The following BMPR1A variants were observed in gnomAD, a reference collection of about 807,000 sequenced individuals.
BMPR1A encodes bone morphogenetic protein receptor type 1A.
A neutral mutation model predicts 66.0 loss-of-function variants in BMPR1A; 7 were observed. The observed-to-expected ratio is 0.11, with a 90% CI of 0.06 to 0.20. The LOEUF is 0.20. BMPR1A is among the 10% of genes least tolerant of loss of function. The pLI is 1.00. For missense variants in BMPR1A, 408 were observed against 669.1 expected, an observed-to-expected ratio of 0.61 and a Z score of 4.31; for synonymous variants, 200 against 229.7, an observed-to-expected ratio of 0.87 and a Z score of 1.17.
intron 1 of BMPR1A, among the ~76,000 whole-genome samples, chr10:86,828,268 A>G (rs892700861): frequency 6.6e-6 from 1 of 152,260 alleles, no homozygotes; most frequent in African/African-American, 2.4e-5. Flanking sequence ...TTGTTTTTAT[A>G]GACCTTGAAC....
intron 1 of BMPR1A, among the ~76,000 whole-genome samples, chr10:86,819,393 C>T (rs1842086409): frequency 6.6e-6 from 1 of 152,146 alleles, no homozygotes; most frequent in African/African-American, 2.4e-5. Flanking sequence ...TCACTGCAGT[C>T]TCTGCCTCCT....
chr10:86,784,722 G>A (rs1841492811), intron 1 of BMPR1A, among the ~76,000 whole-genome samples: 1 of 152,092 alleles, frequency 6.6e-6, no homozygotes, highest in South Asian at 2.1e-4. Flanking sequence ...GTTTCTTCGT[G>A]ATTCAGTCCT....
chr10:86,860,390 C>T (rs1323898653), intron 2 of BMPR1A, among the ~76,000 whole-genome samples: 1 of 152,022 alleles, frequency 6.6e-6, no homozygotes, highest in East Asian at 1.9e-4. Flanking sequence ...CTTAACAATC[C>T]TTTCTTTGAA....
At chr10:86,866,407 T>TTTTC (rs1435377103) in intron 2 of BMPR1A, among the ~76,000 whole-genome samples, 3,886 of 108,962 alleles carry the variant, frequency 0.036, 524 homozygotes, top group African/African-American at 0.12. Context: ...TTCTTTTTTT[T>TTTTC]TTTTTTTTTT....
rs1267184555 is a variant in BMPR1A, at chr10:86,906,616, C to T, written c.531-5624C>T. ...GCGGGCGCCTGTAGTCCCAGCTACT[C>T]GGGAGGCTGAGGCAGGAGGATGGCG... On this transcript the variant is annotated intron_variant, in intron 7 of 12. Transcript: ENST00000372037. 9.9e-5 allele frequency among the ~76,000 whole-genome samples: 8 copies of T among 80,434 alleles called. 3 individuals carry two copies. Among genetic ancestry groups the T allele is most frequent in the Admixed American group, 2.3e-4 (2 of 8,858 alleles). 52.8% of individuals were successfully genotyped at this position (80,434 alleles called of 152,430 possible).
chr10:86,760,743 A>C (rs1472076548), intron 1 of BMPR1A, among the ~76,000 whole-genome samples: 1 of 152,064 alleles, frequency 6.6e-6, no homozygotes, highest in Non-Finnish European at 1.5e-5. Flanking sequence ...TATCACACTA[A>C]ATTTTGAAGT....
At chr10:86,864,975 C>T (rs933788278) in intron 2 of BMPR1A, among the ~76,000 whole-genome samples, 15 of 152,124 alleles carry the variant, frequency 9.9e-5, no homozygotes, top group African/African-American at 3.6e-4. Context: ...CCATACCACC[C>T]CCCAAAAATT....
intron 1 of BMPR1A, among the ~76,000 whole-genome samples, chr10:86,785,455 GC>G (rs916557803): frequency 2.0e-5 from 3 of 152,146 alleles, no homozygotes; most frequent in Non-Finnish European, 4.4e-5. Flanking sequence ...ATAGGCATGT[GC>G]CACCACATCT....
intron 2 of BMPR1A, among the ~76,000 whole-genome samples, chr10:86,853,606 G>A (rs1842601636): frequency 6.6e-6 from 1 of 152,094 alleles, no homozygotes; most frequent in Admixed American, 6.5e-5. Flanking sequence ...CGTAAGTGTT[G>A]GCTGGTTAGA....
chr10:86,759,623 CTA>C (rs1301735296), intron 1 of BMPR1A, among the ~76,000 whole-genome samples: 3 of 152,192 alleles, frequency 2.0e-5, no homozygotes, highest in African/African-American at 7.2e-5. Context: ...CTTCTGCTCT[CTA>C]TTCTTGCTAA....
chr10:86,847,153 C>T (rs1046912335), intron 2 of BMPR1A, among the ~76,000 whole-genome samples: 1 of 152,096 alleles, frequency 6.6e-6, no homozygotes, highest in Non-Finnish European at 1.5e-5. Context: ...CTGCGCCTGG[C>T]CCATTTGGGG....
chr10:86,816,225 A>G (rs1842033817), intron 1 of BMPR1A, among the ~76,000 whole-genome samples: 1 of 152,172 alleles, frequency 6.6e-6, no homozygotes, highest in South Asian at 2.1e-4. Flanking sequence ...AAATAATACT[A>G]TATTTGGAAA....
At chr10:86,791,418 TGGCC>T (rs1236469248) in intron 1 of BMPR1A, among the ~76,000 whole-genome samples, 3 of 152,122 alleles carry the variant, frequency 2.0e-5, no homozygotes, top group African/African-American at 7.2e-5. Context: ...TTCACCATGT[TGGCC>T]AGGCTGGTCT....
intron 3 of BMPR1A, among the ~76,000 whole-genome samples, chr10:86,883,462 A>C (rs1843020293): frequency 1.4e-5 from 2 of 144,288 alleles, no homozygotes; most frequent in Non-Finnish European, 3.0e-5. Flanking sequence ...AGGCAGGAGA[A>C]TGGTGTGAAC....
intron 8 of BMPR1A, among the ~76,000 whole-genome samples, chr10:86,914,935 G>A (rs1843542868): frequency 6.6e-6 from 1 of 152,126 alleles, no homozygotes; most frequent in South Asian, 2.1e-4. Flanking sequence ...ATTTATAATA[G>A]ACATAAACTG....
intron 4 of BMPR1A, among the ~76,000 whole-genome samples, chr10:86,891,600 T>C (rs1011689125): frequency 2.0e-5 from 3 of 152,166 alleles, no homozygotes; most frequent in African/African-American, 7.2e-5. Context: ...TTATTGAAAA[T>C]TTATTCAAAA....
rs187404427 is a variant in BMPR1A at position 86,870,483 on chromosome 10, C to T, written c.-152-5384C>T. ...TGTTGCCCAGGCTGGAGTGCAGTGG[C>T]ATAATCAAAGTTCACTGCAGCCTTG... On this transcript the variant is annotated intron_variant, in intron 2 of 12. Coordinates refer to ENST00000372037, the MANE Select transcript of BMPR1A (RefSeq NM_004329.3). Among the ~76,000 whole-genome samples, 592 of 152,246 alleles carry T rather than the reference C, an allele frequency of 3.9e-3. 2 individuals carry two copies. The highest frequency in any genetic ancestry group is 7.6e-3 in the African/African-American group (315 of 41,546).
At chr10:86,787,597 C>T (rs1182733930) in intron 1 of BMPR1A, among the ~76,000 whole-genome samples, 2 of 152,154 alleles carry the variant, frequency 1.3e-5, no homozygotes, top group South Asian at 2.1e-4. Flanking sequence ...GAGGAAATAG[C>T]ATGTCTTGTT....
At chr10:86,853,886 T>C (rs904877787) in intron 2 of BMPR1A, among the ~76,000 whole-genome samples, 1 of 152,138 alleles carries the variant, frequency 6.6e-6, no homozygotes, top group Admixed American at 6.5e-5. Context: ...CTAATGAAGT[T>C]TCGGGCACCA....
Sources: gnomAD v4.1 joint callset for allele counts (sites outside exome capture counted in the v4.1 genomes callset) on GRCh38, gnomAD v4.1.1 for gene constraint, MANE v1.5 for transcripts, NCBI Gene and HGNC (gene_info 2026-07-23, HGNC 2026-07-21) for gene names.